The following UNC5C variants were observed in gnomAD, a reference collection of about 807,000 sequenced individuals.
UNC5C encodes the protein netrin receptor UNC5C.
A neutral mutation model predicts 99.8 loss-of-function variants in UNC5C; 47 were observed. The observed-to-expected ratio is 0.47, with a 90% confidence interval of 0.37 to 0.60. The LOEUF is 0.60. Ranked by LOEUF, UNC5C falls within the 20% of genes least tolerant of loss-of-function variation. The probability of loss-of-function intolerance (pLI) is 0.00; values close to 1 mark genes in which losing one functional copy is unlikely to be tolerated. For missense variants in UNC5C, 1,062 were observed against 1,165.9 expected (o/e 0.91, Z 1.30); for synonymous variants, 487 against 452.2 (o/e 1.08, Z -0.98).
At chr4:95,179,702 G>A (rs530423458) in intron 14 of UNC5C, among the ~76,000 whole-genome samples, 3 of 146,400 alleles carry the variant, frequency 2.0e-5, no homozygotes, top group South Asian at 2.1e-4. Flanking sequence ...AGCTGAAGTC[G>A]TGCCACTGCA....
At chr4:95,322,970 A>T (rs72891957) in intron 2 of UNC5C, among the ~76,000 whole-genome samples, 1,768 of 151,984 alleles carry the variant, frequency 0.012, 36 homozygotes, top group African/African-American at 0.04. Context: ...AAAAAGCCGA[A>T]GGTCAAATAT....
At chr4:95,239,778 T>C (rs1197931505) in intron 7 of UNC5C, among the ~76,000 whole-genome samples, 2 of 152,240 alleles carry the variant, frequency 1.3e-5, no homozygotes, top group African/African-American at 4.8e-5. Flanking sequence ...AACAAGGAAA[T>C]ATATCTGAAT....
chr4:95,431,225 C>G (rs772092435), intron 1 of UNC5C, among the ~76,000 whole-genome samples: 15 of 151,986 alleles, frequency 9.9e-5, no homozygotes, highest in Non-Finnish European at 2.2e-4. Context: ...CCTAGCACCC[C>G]TTATGCTCAC....
At chr4:95,527,988 T>A (rs1722541707) in intron 1 of UNC5C, among the ~76,000 whole-genome samples, 1 of 152,178 alleles carries the variant, frequency 6.6e-6, no homozygotes, top group South Asian at 2.1e-4. Context: ...AAAAATACTC[T>A]TAGTTTTTCC....
chr4:95,361,842 G>C (rs1474787434), intron 1 of UNC5C, among the ~76,000 whole-genome samples: 2 of 151,920 alleles, frequency 1.3e-5, no homozygotes, highest in Middle Eastern at 6.3e-3. Context: ...TGAACCAAAG[G>C]CTCAAAAAAT....
intron 9 of UNC5C, 68 bp downstream of exon 9, chr4:95,218,901 A>G (rs1285518559): frequency 1.4e-6 from 2 of 1,476,510 alleles, no homozygotes; most frequent in African/African-American, 1.4e-5. Flanking sequence ...CCCACGAACA[A>G]AAAAGATTTT....
chr4:95,531,737 A>G (rs1403919268), intron 1 of UNC5C, among the ~76,000 whole-genome samples: 1 of 152,216 alleles, frequency 6.6e-6, no homozygotes, highest in Non-Finnish European at 1.5e-5. Context: ...TCTTTATTTT[A>G]CTACTCTACC....
intron 1 of UNC5C, 29 bp from the exon 2 acceptor site, chr4:95,335,660 G>T (rs1743310126): frequency 6.4e-7 from 1 of 1,557,908 alleles, no homozygotes; most frequent in Non-Finnish European, 8.7e-7. Flanking sequence ...GTGGAAGATG[G>T]TTAACACATT....
At chr4:95,404,268 C>G (rs1428805726) in intron 1 of UNC5C, among the ~76,000 whole-genome samples, 1 of 152,074 alleles carries the variant, frequency 6.6e-6, no homozygotes. Flanking sequence ...CAAAGTATGT[C>G]AGAAACAAAA....
At chr4:95,497,703 A>G (rs1489929829) in intron 1 of UNC5C, among the ~76,000 whole-genome samples, 1 of 152,038 alleles carries the variant, frequency 6.6e-6, no homozygotes, top group African/African-American at 2.4e-5. Flanking sequence ...TGATCCATTT[A>G]TTATTTAAAA....
At chr4:95,339,621 A>G (rs964366708) in intron 1 of UNC5C, among the ~76,000 whole-genome samples, 2 of 152,024 alleles carry the variant, frequency 1.3e-5, no homozygotes, top group African/African-American at 4.8e-5. Context: ...CATTAGGGTG[A>G]TAATAAGAAT....
intron 1 of UNC5C, among the ~76,000 whole-genome samples, chr4:95,464,099 T>TA (rs1342911164): frequency 1.3e-5 from 2 of 152,216 alleles, no homozygotes; most frequent in African/African-American, 4.8e-5. Context: ...CCATTTCTAT[T>TA]ACGTAACAGA....
chr4:95,372,074 T>C (rs1194035373), intron 1 of UNC5C, among the ~76,000 whole-genome samples: 1 of 152,148 alleles, frequency 6.6e-6, no homozygotes, highest in Non-Finnish European at 1.5e-5. Context: ...CACATAATTG[T>C]GTAAAACCCT....
At chr4:95,261,764 C>T (rs1008565363) in intron 4 of UNC5C, among the ~76,000 whole-genome samples, 15 of 149,886 alleles carry the variant, frequency 1.0e-4, no homozygotes, top group African/African-American at 2.2e-4. Flanking sequence ...AGTGCGGTGG[C>T]GCGATCTCAG....
At chr4:95,491,250 G>GA (rs1394520565) in intron 1 of UNC5C, among the ~76,000 whole-genome samples, 2 of 151,494 alleles carry the variant, frequency 1.3e-5, no homozygotes, top group African/African-American at 4.8e-5. Flanking sequence ...GGCACAAATG[G>GA]AAAATCGCCT....
chr4:95,410,824 A>G (rs1015279589), intron 1 of UNC5C, among the ~76,000 whole-genome samples: 1 of 152,162 alleles, frequency 6.6e-6, no homozygotes, highest in African/African-American at 2.4e-5. Flanking sequence ...CCCAGTGTAC[A>G]GAATCAAAGG....
intron 1 of UNC5C, among the ~76,000 whole-genome samples, chr4:95,398,290 T>A (rs1745582993): frequency 2.6e-5 from 4 of 152,088 alleles, no homozygotes; most frequent in Admixed American, 2.6e-4. Context: ...AGTCTACTTT[T>A]CATTTTACCA....
chr4:95,216,025 AC>A (rs2149366355), intron 10 of UNC5C, 98 bp downstream of exon 10: 3 of 972,398 alleles, frequency 3.1e-6, no homozygotes, highest in African/African-American at 3.3e-5. Context: ...GAAGCAAGGC[AC>A]TTGAGACAAA....
intron 14 of UNC5C, among the ~76,000 whole-genome samples, chr4:95,173,120 T>C (rs1035574457): frequency 6.6e-6 from 1 of 151,874 alleles, no homozygotes; most frequent in African/African-American, 2.4e-5. Flanking sequence ...AAGTTGCTTA[T>C]CAGCTTAAGG....
Sources: gnomAD v4.1 joint callset for allele counts (sites outside exome capture counted in the v4.1 genomes callset) on GRCh38, gnomAD v4.1.1 for gene constraint, MANE v1.5 for transcripts, NCBI Gene and HGNC (gene_info 2026-07-23, HGNC 2026-07-21) for gene names.